NFIX: variants seen among roughly 807,000 people sequenced by gnomAD.
NFIX encodes the protein nuclear factor I X.
NFIX carries 2 observed loss-of-function variants against 53.3 expected under a neutral mutation model. The observed-to-expected ratio is 0.04, with a 90% CI of 0.02 to 0.12. NFIX has a LOEUF of 0.12. Ranked by LOEUF, NFIX falls within the 10% of genes least tolerant of loss-of-function variation. NFIX has a pLI of 1.00. For synonymous variants in NFIX, 244 were observed against 289.0 expected, an observed-to-expected ratio of 0.84 and a Z score of 1.58; for missense variants, 310 against 674.5, an observed-to-expected ratio of 0.46 and a Z score of 5.99.
intron 2 of NFIX, among the ~76,000 whole-genome samples, chr19:13,031,640 G>C (rs1166790893): frequency 1.3e-5 from 2 of 152,186 alleles, no homozygotes; most frequent in South Asian, 2.1e-4. Flanking sequence ...CTTCTAGAAG[G>C]CTTCCTCCCG....
At chr19:13,018,385 T>C (rs2012787399) in intron 1 of NFIX, among the ~76,000 whole-genome samples, 1 of 127,312 alleles carries the variant, frequency 7.9e-6, no homozygotes, top group Non-Finnish European at 1.6e-5. Context: ...GCGGCCTGGC[T>C]GTGAGGCAGA....
Position 13,094,833 on chromosome 19 carries a change from A to C in NFIX, c.*184A>C, listed in dbSNP as rs1007725677. 6.5e-6 allele frequency: 4 copies of C among 615,076 alleles called. No homozygotes were observed. Among genetic ancestry groups the C allele is most frequent in the Non-Finnish European group, 1.1e-5 (4 of 352,794 alleles). 38.1% of individuals were successfully genotyped at this position (615,076 alleles called of 1,614,324 possible). ...GGGGACCCCCGCGGGCCCCAGAAGC[A>C]GCCCAGTTCTCAGAGAGCCCTTGGA... On this transcript the variant is annotated 3_prime_UTR_variant, in exon 11 of 11. Transcript: ENST00000592199. This position sits in a 1 kb window ranked among gnomAD's most constrained non-coding sequence, Gnocchi z 4.3.
Position 13,090,425 on chromosome 19 carries a change from C to A in NFIX, c.1494+35C>A. 1 of 1,585,846 alleles carries A rather than the reference C, an allele frequency of 6.3e-7. No individual in the cohort carries two copies. The highest frequency in any genetic ancestry group is 8.7e-7 in the Non-Finnish European group (1 of 1,154,552). The stretch of plus-strand genomic sequence containing the variant: ...CCTGCCCACCACCTGGATGCAGGGA[C>A]CAGGGGAGTAGTCAGGGTTGGGGGG... On this transcript the variant is annotated intron_variant, in intron 10 of 10. Transcript: ENST00000592199. This position sits in a 1 kb window ranked among gnomAD's most constrained non-coding sequence, Gnocchi z 6.6.
chr19:12,997,126 C>T (rs568146699), intron 1 of NFIX, among the ~76,000 whole-genome samples: 2 of 152,246 alleles, frequency 1.3e-5, no homozygotes, highest in African/African-American at 4.8e-5. Context: ...CCAAGTGTGT[C>T]CACAGCTTAC....
chr19:13,006,328 G>T lies in NFIX; in HGVS notation c.27+10464G>T, dbSNP rs2012012595. On this transcript the variant is annotated intron_variant, in intron 1 of 10. Transcript: ENST00000592199. This position sits in a 1 kb window ranked among gnomAD's most constrained non-coding sequence, Gnocchi z 5.6. ...AGGGGGCAGACTGGAGGTCAAGGGT[G>T]TGTGGCTCAGCATGGCATGCCCATC... is the stretch of plus-strand genomic sequence containing the variant. Among the ~76,000 whole-genome samples the T allele has an allele frequency of 6.6e-6, 1 of 152,238 alleles. No homozygotes were observed. The highest frequency in any genetic ancestry group is 6.5e-5 in the Admixed American group (1 of 15,292).
intron 1 of NFIX, among the ~76,000 whole-genome samples, chr19:13,003,488 CAT>C (rs1480065189): frequency 1.3e-5 from 2 of 152,144 alleles, no homozygotes; most frequent in Non-Finnish European, 1.5e-5. Flanking sequence ...AAAACACACA[CAT>C]GAGCACCGAT....
intron 2 of NFIX, among the ~76,000 whole-genome samples, chr19:13,062,206 A>G (rs1378000568): frequency 6.6e-6 from 1 of 152,118 alleles, no homozygotes; most frequent in South Asian, 2.1e-4. Flanking sequence ...GTATGGTGCA[A>G]GTATGTTCAG....
At chr19:13,059,071 A>G (rs2015892878) in intron 2 of NFIX, among the ~76,000 whole-genome samples, 1 of 152,170 alleles carries the variant, frequency 6.6e-6, no homozygotes. Context: ...CGTGCACACA[A>G]GCGCATAGAT....
At chr19:13,029,683 G>T (rs920821805) in intron 2 of NFIX, among the ~76,000 whole-genome samples, 8 of 152,234 alleles carry the variant, frequency 5.3e-5, no homozygotes, top group African/African-American at 1.9e-4. Context: ...CTACCTTCAG[G>T]TCCCGGGACA....
chr19:13,070,219 C>G (rs1490132833), intron 2 of NFIX: 1 of 152,356 alleles, frequency 6.6e-6, no homozygotes, highest in African/African-American at 2.4e-5. Context: ...CCTCCTTCCT[C>G]TATCTATCCA....
chr19:13,078,657 G>A lies in NFIX; in HGVS notation c.1000G>A (p.Ala334Thr), dbSNP rs1180488359. ...GTCAGGAAAGCTGGACTTCTGCAGTGCCCTCTCCTCTCAGGGCAGCTCCCC... is the reference window on the plus strand; with the variant it reads ...GTCAGGAAAGCTGGACTTCTGCAGTACCCTCTCCTCTCAGGGCAGCTCCCC... ...KKSGKLDFCS[A>T]LSSQGSSPRM... Residue 334 changes from alanine to threonine, a missense_variant, in exon 7 of 11, where the codon GCC (alanine) becomes ACC (threonine). Ala to Thr is a moderately conservative substitution (Grantham distance 58). Transcript: ENST00000592199. This position sits in a 1 kb window ranked among gnomAD's most constrained non-coding sequence, Gnocchi z 4.7. The A allele has an allele frequency of 1.4e-5, 22 of 1,600,452 alleles. No individual in the cohort carries two copies. The highest frequency in any genetic ancestry group is 1.9e-5 in the Non-Finnish European group (22 of 1,173,882).
At chr19:13,019,834 A>G (rs2012874214) in intron 1 of NFIX, among the ~76,000 whole-genome samples, 1 of 150,846 alleles carries the variant, frequency 6.6e-6, no homozygotes, top group African/African-American at 2.4e-5. Context: ...AACCCATATG[A>G]ATTTTTAAAA....
Position 13,090,937 on chromosome 19 carries a change from C to T in NFIX, c.1494+547C>T, listed in dbSNP as rs2018100798. 6.6e-6 allele frequency among the ~76,000 whole-genome samples: 1 copy of T among 152,132 alleles called. No homozygotes were observed. Among genetic ancestry groups the T allele is most frequent in the Non-Finnish European group, 1.5e-5 (1 of 68,008 alleles). ...TCCAGGAGTCCTGTTAGGGAGAAGG[C>T]CAGCATGCTGGAGACCTCATCCTTG... On this transcript the variant is annotated intron_variant, in intron 10 of 10. Transcript: ENST00000592199. This position sits in a 1 kb window ranked among gnomAD's most constrained non-coding sequence, Gnocchi z 6.6.
In NFIX at chr19:13,081,623, C is replaced by G; in HGVS notation, c.1079-57C>G. The G allele has an allele frequency of 6.4e-7, 1 of 1,568,250 alleles. No homozygotes were observed. The highest frequency in any genetic ancestry group is 8.7e-7 in the Non-Finnish European group (1 of 1,153,532). ...GCAGCTCCCCTCCTCTCCTGTCCCT[C>G]CCACTGGCTGCCTCCTTGGCCCTGA... On this transcript the variant is annotated intron_variant, in intron 7 of 10. Transcript: ENST00000592199. The surrounding 1 kb of genome is among the most constrained non-coding windows in gnomAD (Gnocchi z 4.7).
intron 8 of NFIX, among the ~76,000 whole-genome samples, chr19:13,086,523 C>T (rs1348088310): frequency 2.0e-5 from 3 of 152,170 alleles, no homozygotes; most frequent in Non-Finnish European, 4.4e-5. Context: ...CCAGGGCAGG[C>T]CTGTTAATGC....
rs1053383207 is a variant in NFIX at position 13,049,828 on chromosome 19, G to A, written c.560-23219G>A. 6.6e-6 allele frequency among the ~76,000 whole-genome samples: 1 copy of A among 152,096 alleles called. No homozygotes were observed. The highest frequency in any genetic ancestry group is 2.4e-5 in the African/African-American group (1 of 41,436). The stretch of plus-strand genomic sequence containing the variant: ...AGGCTGGTCTCGAACTCCTGATCTC[G>A]TGATCCGCTCACCTCGGCCTCCCAA... On this transcript the variant is annotated intron_variant, in intron 2 of 10. Transcript: ENST00000592199. This position sits in a 1 kb window ranked among gnomAD's most constrained non-coding sequence, Gnocchi z 4.5.
At chr19:13,008,388 A>G (rs1277186333) in intron 1 of NFIX, among the ~76,000 whole-genome samples, 2 of 152,290 alleles carry the variant, frequency 1.3e-5, no homozygotes, top group African/African-American at 2.4e-5. Context: ...GCAATGCTCC[A>G]GTGTCGGCAG....
intron 2 of NFIX, among the ~76,000 whole-genome samples, chr19:13,055,227 C>A (rs537013225): frequency 2.6e-5 from 4 of 151,560 alleles, no homozygotes; most frequent in Admixed American, 1.3e-4. Flanking sequence ...CCCTCCCCCC[C>A]TCCCCACTCC....
intron 2 of NFIX, among the ~76,000 whole-genome samples, chr19:13,055,085 C>A (rs910227189): frequency 6.7e-6 from 1 of 150,150 alleles, no homozygotes; most frequent in African/African-American, 2.5e-5. Flanking sequence ...TCCTAATAAT[C>A]CCCCCTTTCC....
Sources: allele counts gnomAD v4.1 joint callset (sites outside exome capture counted in the v4.1 genomes callset), GRCh38; gene constraint gnomAD v4.1.1; non-coding constraint Gnocchi (gnomAD v3.1); transcripts MANE v1.5; gene names NCBI Gene and HGNC (gene_info 2026-07-23, HGNC 2026-07-21).